COPZ1: variants seen among roughly 807,000 people sequenced by gnomAD.
The protein encoded by COPZ1 is coat protein complex I subunit zeta 1.
COPZ1 carries 4 observed loss-of-function variants against 31.7 expected under a neutral mutation model. The observed-to-expected ratio is 0.13, with a 90% CI of 0.06 to 0.29. The LOEUF (loss-of-function observed/expected upper bound fraction) is 0.29. COPZ1 is among the 10% of genes least tolerant of loss of function. The pLI is 1.00. For synonymous variants in COPZ1, 74 were observed against 79.0 expected (o/e 0.94, Z 0.33); for missense variants, 156 against 211.5 (o/e 0.74, Z 1.63).
At chr12:54,326,621 C>A (rs1438039832) in intron 1 of COPZ1, among the ~76,000 whole-genome samples, 2 of 142,416 alleles carry the variant, frequency 1.4e-5, no homozygotes, top group Non-Finnish European at 3.0e-5. Flanking sequence ...CAAAAGTGCC[C>A]TATTTTGCGA....
intron 1 of COPZ1, among the ~76,000 whole-genome samples, chr12:54,331,016 G>C (rs553564387): frequency 6.6e-6 from 1 of 152,208 alleles, no homozygotes; most frequent in East Asian, 1.9e-4. Flanking sequence ...CAGATTATTA[G>C]GGGGATCTCT....
At chr12:54,345,549 TATG>T (rs1255881841) in intron 5 of COPZ1, 34 bp downstream of exon 5, 3 of 1,542,774 alleles carry the variant, frequency 1.9e-6, no homozygotes, top group Non-Finnish European at 2.7e-6. Flanking sequence ...CCCCTCAAGT[TATG>T]ATGGAAAGAG....
chr12:54,345,309 T>C, intron 4 of COPZ1, 151 bp from the exon 5 acceptor site: 1 of 578,178 alleles, frequency 1.7e-6, no homozygotes, highest in South Asian at 2.3e-5. Flanking sequence ...ACAGATCCTT[T>C]TCCTGTTGTG....
At chr12:54,325,246 C>T in intron 1 of COPZ1, 65 bp downstream of exon 1, 1 of 1,526,872 alleles carries the variant, frequency 6.5e-7, no homozygotes, top group Non-Finnish European at 8.8e-7. Context: ...AGGGTTCAGC[C>T]CGAGTGGGAG....
intron 1 of COPZ1, among the ~76,000 whole-genome samples, chr12:54,339,033 G>A (rs1414046983): frequency 2.0e-5 from 3 of 152,232 alleles, no homozygotes; most frequent in Admixed American, 6.5e-5. Context: ...TTTGGCTCCT[G>A]TGAGGACTGT....
At chr12:54,325,208 G>T in intron 1 of COPZ1, 27 bp downstream of exon 1, 2 of 1,554,846 alleles carry the variant, frequency 1.3e-6, no homozygotes, top group Non-Finnish European at 8.7e-7. Context: ...CAGCAGAGAT[G>T]CTGTGGTGTC....
chr12:54,328,284 A>G (rs1469015997), intron 1 of COPZ1, among the ~76,000 whole-genome samples: 6 of 144,754 alleles, frequency 4.1e-5, no homozygotes, highest in Non-Finnish European at 9.1e-5. Flanking sequence ...TCAAAAAAAA[A>G]AAAAAGGCCG....
At position 54,326,961 on chromosome 12, in the gene COPZ1, C is replaced by CTTTTTTTTTTTTTTTTTTTT. The variant is rs60827109; in HGVS notation, c.18+1798_18+1817dup. ...CTGTACCAAGCAGTTAACAAGTATTCTTTTTTTTTTTTTTTTTTTTTTTTT... is the reference window on the plus strand; with the variant it reads ...CTGTACCAAGCAGTTAACAAGTATTCTTTTTTTTTTTTTTTTTTTTTTTTTTTTTTTTTTTTTTTTTTTTT... On this transcript the variant is annotated intron_variant, in intron 1 of 8. Coordinates refer to ENST00000262061, the MANE Select transcript of COPZ1 (RefSeq NM_016057.3). Among the ~76,000 whole-genome samples, 6 of 43,568 alleles carry CTTTTTTTTTTTTTTTTTTTT rather than the reference C, an allele frequency of 1.4e-4. 2 individuals are homozygous for CTTTTTTTTTTTTTTTTTTTT. Among genetic ancestry groups the CTTTTTTTTTTTTTTTTTTTT allele is most frequent in the Non-Finnish European group, 1.8e-4 (4 of 22,526 alleles). 28.6% of individuals were successfully genotyped at this position (43,568 alleles called of 152,430 possible).
chr12:54,343,339 G>T (rs1565595356), intron 4 of COPZ1, 23 bp downstream of exon 4: 1 of 1,581,046 alleles, frequency 6.3e-7, no homozygotes, highest in East Asian at 2.2e-5. Flanking sequence ...ACCCCTCTTT[G>T]CTATTTCTGA....
At chr12:54,341,859 C>T (rs1953977915) in intron 2 of COPZ1, among the ~76,000 whole-genome samples, 1 of 152,156 alleles carries the variant, frequency 6.6e-6, no homozygotes, top group Non-Finnish European at 1.5e-5. Flanking sequence ...GGCACTGCTT[C>T]CTGACATGGG....
chr12:54,349,150 G>T (rs1474127442), intron 7 of COPZ1, among the ~76,000 whole-genome samples: 1 of 152,116 alleles, frequency 6.6e-6, no homozygotes, highest in Non-Finnish European at 1.5e-5. Flanking sequence ...TCCCCGCTTT[G>T]TCTTCTTAGG....
chr12:54,337,456 A>G (rs1193813252), intron 1 of COPZ1: 1 of 337,054 alleles, frequency 3.0e-6, no homozygotes, highest in African/African-American at 2.2e-5. Context: ...CTGGAAGCCC[A>G]TTTCTCAGTA....
chr12:54,329,050 ATC>A (rs1953708760), intron 1 of COPZ1, among the ~76,000 whole-genome samples: 1 of 152,096 alleles, frequency 6.6e-6, no homozygotes, highest in Admixed American at 6.6e-5. Context: ...GATTTGTCTA[ATC>A]TCTCTCAGGT....
At position 54,346,278 on chromosome 12, in the gene COPZ1, T is replaced by C. The variant is rs569892585; in HGVS notation, c.317+763T>C. ...ACTCCCAATTTTTTTTTCTTTTTTT[T>C]TTTTTTTGAGATGGAGTCTCACTCT... On this transcript the variant is annotated intron_variant, in intron 5 of 8. Coordinates refer to ENST00000262061, the MANE Select transcript of COPZ1 (RefSeq NM_016057.3). 8.6e-5 allele frequency among the ~76,000 whole-genome samples: 13 copies of C among 151,290 alleles called. No homozygotes were observed. In the East Asian group the frequency reaches 2.4e-3, roughly 27 times the overall value.
At chr12:54,345,562 G>C (rs371112466) in intron 5 of COPZ1, 47 bp downstream of exon 5, 14 of 1,433,328 alleles carry the variant, frequency 9.8e-6, no homozygotes, top group Non-Finnish European at 1.3e-5. Context: ...GATGGAAAGA[G>C]CAGGGCATTG....
At chr12:54,342,073 T>C in intron 2 of COPZ1, 133 bp from the exon 3 acceptor site, 2 of 654,640 alleles carry the variant, frequency 3.1e-6, no homozygotes, top group African/African-American at 1.8e-5. Context: ...TCCTTCCTTT[T>C]CCATGTCAGT....
At chr12:54,348,076 A>G in intron 7 of COPZ1, 25 bp downstream of exon 7, 1 of 1,612,366 alleles carries the variant, frequency 6.2e-7, no homozygotes, top group Non-Finnish European at 8.5e-7. Flanking sequence ...GTTTCTTTGC[A>G]TCCCCGCATC....
At chr12:54,345,647 G>T (rs1592209701) in intron 5 of COPZ1, 132 bp downstream of exon 5, 1 of 700,844 alleles carries the variant, frequency 1.4e-6, no homozygotes. Context: ...AGGCTCCAGG[G>T]AGTTGATTTA....
chr12:54,326,675 GTGT>G (rs1449400569), intron 1 of COPZ1, among the ~76,000 whole-genome samples: 111 of 138,476 alleles, frequency 8.0e-4, no homozygotes, highest in African/African-American at 2.7e-3. Context: ...GTGTGTGTGT[GTGT>G]GTAGGTAGGT....
Sources: gnomAD v4.1 joint callset for allele counts (sites outside exome capture counted in the v4.1 genomes callset) on GRCh38, gnomAD v4.1.1 for gene constraint, MANE v1.5 for transcripts, NCBI Gene and HGNC (gene_info 2026-07-23, HGNC 2026-07-21) for gene names.